DPY19L1: variants seen among roughly 807,000 people sequenced by gnomAD.
DPY19L1 encodes the protein protein C-mannosyl-transferase DPY19L1.
Under a neutral mutation model 96.9 loss-of-function variants are expected in DPY19L1, and 35 were observed. The ratio of observed to expected loss-of-function variants is 0.36; its 90% CI spans 0.28 to 0.48. The LOEUF is 0.48. Ranked by LOEUF, DPY19L1 falls within the 20% of genes least tolerant of loss-of-function variation. DPY19L1 has a pLI of 0.99. For missense variants in DPY19L1, 521 were observed against 777.9 expected, an observed-to-expected ratio of 0.67 and a Z score of 3.93; for synonymous variants, 205 against 252.6, an observed-to-expected ratio of 0.81 and a Z score of 1.79.
chr7:34,943,693 C>T (rs1438160337), intron 16 of DPY19L1, among the ~76,000 whole-genome samples: 1 of 152,190 alleles, frequency 6.6e-6, no homozygotes, highest in Non-Finnish European at 1.5e-5. Flanking sequence ...CTCCATGAAG[C>T]TCAATGGTTT....
At chr7:34,952,724 C>T (rs1429057643) in intron 13 of DPY19L1, among the ~76,000 whole-genome samples, 1 of 152,052 alleles carries the variant, frequency 6.6e-6, no homozygotes, top group African/African-American at 2.4e-5. Context: ...TAGATCAACA[C>T]TCATATATCA....
chr7:34,968,983 T>C (rs1235608399), intron 9 of DPY19L1, among the ~76,000 whole-genome samples: 1 of 152,074 alleles, frequency 6.6e-6, no homozygotes, highest in Non-Finnish European at 1.5e-5. Flanking sequence ...AGAGATGAAC[T>C]GGTTAGCTAT....
At chr7:35,009,811 C>T (rs770509322) in intron 6 of DPY19L1, among the ~76,000 whole-genome samples, 4 of 152,156 alleles carry the variant, frequency 2.6e-5, no homozygotes, top group Non-Finnish European at 2.9e-5. Context: ...AGACTTCACA[C>T]ATCTCAGCAC....
intron 15 of DPY19L1, 62 bp from the exon 16 acceptor site, chr7:34,945,778 A>C: frequency 8.9e-7 from 1 of 1,129,074 alleles, no homozygotes; most frequent in Non-Finnish European, 1.3e-6. Flanking sequence ...ATTTTAAATA[A>C]AGTATCTTCT....
intron 6 of DPY19L1, among the ~76,000 whole-genome samples, chr7:35,009,700 T>C (rs184969178): frequency 6.6e-6 from 1 of 152,232 alleles, no homozygotes; most frequent in African/African-American, 2.4e-5. Flanking sequence ...CAGACAGCCA[T>C]CTAGAAAGAC....
At chr7:34,982,331 TA>T (rs1784956427) in intron 7 of DPY19L1, among the ~76,000 whole-genome samples, 2 of 152,204 alleles carry the variant, frequency 1.3e-5, no homozygotes. Context: ...CTGAAGTATT[TA>T]GGGGTGAGAC....
chr7:35,005,439 G>A (rs1385786637), intron 6 of DPY19L1, among the ~76,000 whole-genome samples: 1 of 151,442 alleles, frequency 6.6e-6, no homozygotes, highest in East Asian at 2.0e-4. Flanking sequence ...CCTCGCTGCT[G>A]GGGAGAGGAG....
intron 7 of DPY19L1, 26 bp from the exon 8 acceptor site, chr7:34,973,631 T>C (rs1477259895): frequency 3.9e-6 from 5 of 1,286,576 alleles, no homozygotes; most frequent in Non-Finnish European, 4.1e-6. Flanking sequence ...TGTAGTATAG[T>C]ATACTTGCTA....
chr7:35,023,922 G>A (rs891233166), intron 1 of DPY19L1, among the ~76,000 whole-genome samples: 1 of 132,066 alleles, frequency 7.6e-6, no homozygotes. Flanking sequence ...TGCAAACTCC[G>A]CCTCCCGGGT....
rs1283132678 is a variant in DPY19L1 at position 34,968,502 on chromosome 7, G to T, written c.1014+931C>A. Among the ~76,000 whole-genome samples the T allele has an allele frequency of 2.6e-5, 4 of 152,120 alleles. No homozygotes were observed. In the East Asian group the frequency reaches 7.7e-4, roughly 29 times the overall value. On this transcript the variant is annotated intron_variant, in intron 9 of 21. Transcript: ENST00000638088. ...ATATTAAAAAGCAGCCAGGCGCAGT[G>T]GCTCACGCCTGTAATCGCAGCACTT...
intron 13 of DPY19L1, among the ~76,000 whole-genome samples, chr7:34,953,012 T>C (rs1408314720): frequency 3.3e-5 from 5 of 152,124 alleles, no homozygotes; most frequent in Admixed American, 1.3e-4. Context: ...AACAGTTCTT[T>C]TGAAGGGGGC....
intron 7 of DPY19L1, among the ~76,000 whole-genome samples, chr7:34,983,934 T>C (rs760398965): frequency 9.2e-5 from 14 of 152,024 alleles, no homozygotes; most frequent in Admixed American, 9.2e-4. Context: ...ACCAAATATA[T>C]AATGAAAATC....
At chr7:34,980,448 C>CA (rs1187410259) in intron 7 of DPY19L1, among the ~76,000 whole-genome samples, 2 of 151,130 alleles carry the variant, frequency 1.3e-5, no homozygotes, top group Admixed American at 6.6e-5. Flanking sequence ...AGAACTTCAT[C>CA]AAAAAACCTC....
chr7:34,952,690 T>A (rs1349337486), intron 13 of DPY19L1, among the ~76,000 whole-genome samples: 2 of 152,042 alleles, frequency 1.3e-5, no homozygotes, highest in Non-Finnish European at 2.9e-5. Flanking sequence ...TTTGAGCAGG[T>A]GAGGTTTATC....
chr7:34,976,613 G>GA (rs1321497060), intron 7 of DPY19L1, among the ~76,000 whole-genome samples: 1 of 152,196 alleles, frequency 6.6e-6, no homozygotes, highest in Non-Finnish European at 1.5e-5. Context: ...TGCTACAGAG[G>GA]AATCTTCTGT....
chr7:34,980,079 A>C (rs1784908087), intron 7 of DPY19L1, among the ~76,000 whole-genome samples: 1 of 152,156 alleles, frequency 6.6e-6, no homozygotes, highest in African/African-American at 2.4e-5. Flanking sequence ...AACATAATTG[A>C]GAATGTAAAA....
intron 7 of DPY19L1, 75 bp from the exon 8 acceptor site, chr7:34,973,680 A>G (rs1584230063): frequency 1.4e-6 from 1 of 738,534 alleles, no homozygotes; most frequent in Non-Finnish European, 1.9e-6. Context: ...TGCTATTTAT[A>G]AATAAAATTA....
intron 10 of DPY19L1, among the ~76,000 whole-genome samples, chr7:34,966,322 T>C (rs1056028884): frequency 6.6e-5 from 10 of 152,070 alleles, no homozygotes; most frequent in Non-Finnish European, 1.3e-4. Flanking sequence ...TGTAGAGACA[T>C]GGTCTTGCTA....
intron 16 of DPY19L1, among the ~76,000 whole-genome samples, chr7:34,943,737 T>C (rs902393766): frequency 2.6e-5 from 4 of 152,218 alleles, no homozygotes; most frequent in African/African-American, 9.6e-5. Context: ...GTTATTACTC[T>C]TGAAGGGACA....
Sources: allele counts gnomAD v4.1 joint callset (sites outside exome capture counted in the v4.1 genomes callset), GRCh38; gene constraint gnomAD v4.1.1; transcripts MANE v1.5; gene names NCBI Gene and HGNC (gene_info 2026-07-23, HGNC 2026-07-21).